CRYL1: variants seen among roughly 807,000 people sequenced by gnomAD.
CRYL1 encodes lambda-crystallin homolog.
In CRYL1, 29 loss-of-function variants were observed where a neutral mutation model predicts 36.6. The observed-to-expected ratio is 0.79, with a 90% CI of 0.59 to 1.08. CRYL1 has a LOEUF of 1.08. Ranked by LOEUF, CRYL1 falls within the 50% of genes least tolerant of loss-of-function variation. The pLI is 0.00. For missense variants in CRYL1, 411 were observed against 407.9 expected (o/e 1.01, Z -0.06); for synonymous variants, 152 against 151.5 (o/e 1.00, Z -0.02).
In CRYL1 at chr13:20,420,701, T is replaced by TTTTTTTTTTTTGTGTGTG; in HGVS notation, c.634-7315_634-7314insCACACACAAAAAAAAAAA. Among the ~76,000 whole-genome samples, 7 of 21,874 alleles carry TTTTTTTTTTTTGTGTGTG rather than the reference T, an allele frequency of 3.2e-4. 1 individual carries two copies. Among genetic ancestry groups the TTTTTTTTTTTTGTGTGTG allele is most frequent in the South Asian group, 3.3e-3 (1 of 306 alleles). 14.4% of individuals were successfully genotyped at this position (21,874 alleles called of 152,430 possible). On this transcript the variant is annotated intron_variant, in intron 5 of 7. Transcript: ENST00000298248. Reference sequence around the variant, plus strand: ...CTTTGACTTTTCTTTAAAATAGAGGTTGTGTGTGTGTGTGTGTGTGTGTGT... The same window carrying TTTTTTTTTTTTGTGTGTG: ...CTTTGACTTTTCTTTAAAATAGAGGTTTTTTTTTTTTGTGTGTGTGTGTGTGTGTGTGTGTGTGTGTGT...
intron 5 of CRYL1, chr13:20,430,300 T>A (rs1332449145): frequency 3.0e-6 from 3 of 985,320 alleles, no homozygotes; most frequent in Non-Finnish European, 3.6e-6. Context: ...ACAAACTGTA[T>A]CCTGCTAGAT....
At chr13:20,450,421 C>T (rs974390135) in intron 3 of CRYL1, among the ~76,000 whole-genome samples, 3 of 152,090 alleles carry the variant, frequency 2.0e-5, no homozygotes, top group Non-Finnish European at 4.4e-5. Flanking sequence ...CTACCTTTCA[C>T]CATATACAAA....
At chr13:20,428,566 A>G (rs1565960715) in intron 5 of CRYL1, among the ~76,000 whole-genome samples, 1 of 152,212 alleles carries the variant, frequency 6.6e-6, no homozygotes. Context: ...CTGGTTGAAC[A>G]TGCAAAAGTC....
chr13:20,470,911 AAAAAAAAAAAAAAAAC>A (rs2033040570), intron 3 of CRYL1, among the ~76,000 whole-genome samples: 1 of 116,488 alleles, frequency 8.6e-6, no homozygotes, highest in Admixed American at 1.0e-4. Context: ...ACTCCATCTC[AAAAAAAAAAAAAAAAC>A]AAAAAAAAAA....
chr13:20,407,519 A>C (rs891681909), intron 6 of CRYL1, among the ~76,000 whole-genome samples: 5 of 152,192 alleles, frequency 3.3e-5, no homozygotes, highest in African/African-American at 7.2e-5. Context: ...CTAAAATGCC[A>C]ATTTCTTTGG....
At chr13:20,474,700 C>G (rs1377495279) in intron 3 of CRYL1, among the ~76,000 whole-genome samples, 1 of 152,136 alleles carries the variant, frequency 6.6e-6, no homozygotes, top group African/African-American at 2.4e-5. Flanking sequence ...CAGAGTGCTC[C>G]TGGCTCAGCT....
chr13:20,523,864 C>G (rs1373014039), intron 1 of CRYL1, among the ~76,000 whole-genome samples: 1 of 152,200 alleles, frequency 6.6e-6, no homozygotes, highest in Non-Finnish European at 1.5e-5. Context: ...TGAAGCTCCT[C>G]CTCAGTAGAC....
intron 3 of CRYL1, among the ~76,000 whole-genome samples, chr13:20,447,628 G>A (rs994459082): frequency 6.6e-6 from 1 of 152,056 alleles, no homozygotes; most frequent in African/African-American, 2.4e-5. Context: ...GAAGTGCAAA[G>A]GGAAAACTGA....
chr13:20,473,368 A>G (rs1414718530), intron 3 of CRYL1, among the ~76,000 whole-genome samples: 1 of 152,240 alleles, frequency 6.6e-6, no homozygotes, highest in Non-Finnish European at 1.5e-5. Flanking sequence ...ACTTTTAAAC[A>G]TCAGTGAGTC....
chr13:20,463,302 AG>A (rs1434156447), intron 3 of CRYL1, among the ~76,000 whole-genome samples: 5 of 152,210 alleles, frequency 3.3e-5, no homozygotes. Context: ...TTGATGCTTG[AG>A]TTTTTTCCCA....
In CRYL1 at chr13:20,432,301, G is replaced by A; in HGVS notation, c.439-5C>T. 6.3e-7 allele frequency: 1 copy of A among 1,583,946 alleles called. No homozygotes were observed. Among genetic ancestry groups the A allele is most frequent in the Non-Finnish European group, 8.6e-7 (1 of 1,157,224 alleles). Reference sequence around the variant, plus strand: ...GATGTAGTATGGCGGATTCACCTTAGGAGAGAGAGAGAAGTGGGGGAGTCA... The same window carrying A: ...GATGTAGTATGGCGGATTCACCTTAAGAGAGAGAGAGAAGTGGGGGAGTCA... On this transcript the variant is annotated splice_polypyrimidine_tract_variant and splice_region_variant and intron_variant, in intron 4 of 7. Transcript: ENST00000298248.
At chr13:20,499,659 A>AC (rs1565984802) in intron 2 of CRYL1, among the ~76,000 whole-genome samples, 17 of 151,648 alleles carry the variant, frequency 1.1e-4, no homozygotes, top group South Asian at 2.1e-4. Context: ...CACACACACA[A>AC]AAAAAAATGT....
intron 3 of CRYL1, among the ~76,000 whole-genome samples, chr13:20,444,966 C>T (rs1033658464): frequency 3.3e-5 from 5 of 152,172 alleles, no homozygotes; most frequent in East Asian, 3.9e-4. Flanking sequence ...GATCCACCCG[C>T]CTCAGCTTCC....
chr13:20,506,002 C>G (rs2137499020), intron 2 of CRYL1, among the ~76,000 whole-genome samples: 1 of 152,240 alleles, frequency 6.6e-6, no homozygotes, highest in East Asian at 1.9e-4. Flanking sequence ...GGTTTCAGTC[C>G]TTTTACCTTG....
At chr13:20,472,394 G>A (rs1006097966) in intron 3 of CRYL1, among the ~76,000 whole-genome samples, 13 of 152,122 alleles carry the variant, frequency 8.5e-5, no homozygotes, top group African/African-American at 2.9e-4. Context: ...CTGAATCCAC[G>A]ATGCAGAATC....
chr13:20,407,999 A>G (rs960232802), intron 6 of CRYL1, among the ~76,000 whole-genome samples: 10 of 152,218 alleles, frequency 6.6e-5, no homozygotes, highest in African/African-American at 2.4e-4. Context: ...TGCCACCCAT[A>G]CATGGGAAGT....
chr13:20,500,280 C>A (rs927197370), intron 2 of CRYL1, among the ~76,000 whole-genome samples: 2 of 152,096 alleles, frequency 1.3e-5, no homozygotes, highest in African/African-American at 4.8e-5. Flanking sequence ...GTAGAGTATA[C>A]TTTTGTAAAC....
Position 20,510,762 on chromosome 13 carries a change from G to A in CRYL1, c.149+1681C>T, listed in dbSNP as rs143619111. 4.5e-3 allele frequency among the ~76,000 whole-genome samples: 687 copies of A among 151,928 alleles called. 3 individuals carry two copies. The highest frequency in any genetic ancestry group is 0.015 in the African/African-American group (638 of 41,424). Reference sequence around the variant, plus strand: ...CGAGTAGCTGGGATTACAGGTGCCCGCCACCATGCCCAGATAATTTTTTTG... The same window carrying A: ...CGAGTAGCTGGGATTACAGGTGCCCACCACCATGCCCAGATAATTTTTTTG... On this transcript the variant is annotated intron_variant, in intron 2 of 7. Transcript: ENST00000298248.
chr13:20,507,645 A>G (rs11618755), intron 2 of CRYL1, among the ~76,000 whole-genome samples: 11,425 of 152,292 alleles, frequency 0.075, 561 homozygotes, highest in Middle Eastern at 0.11. Context: ...CAGGCTGGGC[A>G]CAGTGGCTCA....
Sources: gnomAD v4.1 joint callset for allele counts (sites outside exome capture counted in the v4.1 genomes callset) on GRCh38, gnomAD v4.1.1 for gene constraint, MANE v1.5 for transcripts, NCBI Gene and HGNC (gene_info 2026-07-23, HGNC 2026-07-21) for gene names.